Variants in TAFA4 observed in about 807,000 individuals in gnomAD.
TAFA4 encodes the protein TAFA chemokine like family member 4.
A neutral mutation model predicts 21.1 loss-of-function variants in TAFA4; 20 were observed. That is an observed-to-expected ratio of 0.95 (90% confidence interval 0.67 to 1.38). The LOEUF (loss-of-function observed/expected upper bound fraction) is 1.38. Ranked by LOEUF, TAFA4 falls within the 40% of genes most tolerant of loss-of-function variation. TAFA4 has a pLI of 0.00. For synonymous variants in TAFA4, 71 were observed against 67.4 expected, an observed-to-expected ratio of 1.05 and a Z score of -0.26; for missense variants, 211 against 180.9, an observed-to-expected ratio of 1.17 and a Z score of -0.95.
intron 1 of TAFA4, among the ~76,000 whole-genome samples, chr3:68,891,371 T>C (rs1261959878): frequency 1.3e-5 from 2 of 152,200 alleles, no homozygotes; most frequent in Non-Finnish European, 2.9e-5. Context: ...CTTTCCCGCC[T>C]GCCCACTCAC....
intron 3 of TAFA4, among the ~76,000 whole-genome samples, chr3:68,816,660 CTT>C (rs1390019191): frequency 6.6e-6 from 1 of 152,242 alleles, no homozygotes; most frequent in African/African-American, 2.4e-5. Flanking sequence ...GACCATTTAA[CTT>C]CTTCCTTTCT....
At chr3:68,770,600 CACAG>C (rs1483495413) in intron 3 of TAFA4, among the ~76,000 whole-genome samples, 3 of 150,402 alleles carry the variant, frequency 2.0e-5, no homozygotes, top group African/African-American at 7.4e-5. Flanking sequence ...GGGATAGATC[CACAG>C]ACAGTTTTTA....
At chr3:68,890,760 A>C (rs2089722012) in intron 1 of TAFA4, among the ~76,000 whole-genome samples, 1 of 152,202 alleles carries the variant, frequency 6.6e-6, no homozygotes, top group Admixed American at 6.5e-5. Context: ...TTCATGCTTT[A>C]GTAAACAGGA....
intron 3 of TAFA4, among the ~76,000 whole-genome samples, chr3:68,817,391 CAT>C (rs1248540576): frequency 1.3e-5 from 2 of 152,280 alleles, no homozygotes; most frequent in East Asian, 3.9e-4. Flanking sequence ...TCAAATTCCT[CAT>C]AGTCATCCAT....
intron 3 of TAFA4, among the ~76,000 whole-genome samples, chr3:68,853,155 A>C (rs1024710666): frequency 1.3e-5 from 2 of 152,184 alleles, no homozygotes; most frequent in Admixed American, 6.5e-5. Context: ...TGTCAGATAG[A>C]TATAAACTTA....
intron 3 of TAFA4, among the ~76,000 whole-genome samples, chr3:68,779,567 G>T (rs1400040855): frequency 3.9e-5 from 6 of 152,142 alleles, no homozygotes; most frequent in African/African-American, 1.4e-4. Flanking sequence ...GACTCAAGGG[G>T]CCAAAGTACA....
intron 1 of TAFA4, among the ~76,000 whole-genome samples, chr3:68,914,972 G>T (rs1191411122): frequency 3.3e-5 from 5 of 152,088 alleles, no homozygotes; most frequent in Non-Finnish European, 5.9e-5. Flanking sequence ...ACATACCATC[G>T]CAGGCTTTTT....
chr3:68,894,398 G>C (rs565555226), intron 1 of TAFA4, among the ~76,000 whole-genome samples: 1 of 152,114 alleles, frequency 6.6e-6, no homozygotes, highest in African/African-American at 2.4e-5. Flanking sequence ...GGGCTCAAGC[G>C]ATCCTCCTGC....
chr3:68,738,593 C>G (rs989169265), intron 5 of TAFA4, among the ~76,000 whole-genome samples: 1 of 152,174 alleles, frequency 6.6e-6, no homozygotes, highest in South Asian at 2.1e-4. Context: ...GGCTGGAGGA[C>G]TGGGTAGACA....
intron 1 of TAFA4, among the ~76,000 whole-genome samples, chr3:68,888,623 A>T (rs2089697895): frequency 6.6e-6 from 1 of 152,206 alleles, no homozygotes; most frequent in Non-Finnish European, 1.5e-5. Context: ...CTTTAAAAAA[A>T]TCTATTTCTC....
At chr3:68,811,462 T>C (rs1703836141) in intron 3 of TAFA4, among the ~76,000 whole-genome samples, 2 of 152,070 alleles carry the variant, frequency 1.3e-5, no homozygotes, top group Non-Finnish European at 2.9e-5. Flanking sequence ...GAATAACCAA[T>C]GCAGAGAAGT....
In TAFA4 at chr3:68,874,416, C is replaced by T. The variant is rs190469528; in HGVS notation, c.130+6314G>A. Among the ~76,000 whole-genome samples the T allele has an allele frequency of 2.6e-5, 4 of 152,174 alleles. No individual in the cohort carries two copies. The South Asian group carries it at 6.2e-4, about 24-fold the overall frequency. On this transcript the variant is annotated intron_variant, in intron 3 of 5. Coordinates refer to ENST00000295569, the MANE Select transcript of TAFA4 (RefSeq NM_182522.5). The stretch of plus-strand genomic sequence containing the variant: ...CATTTTTCTTCCTGCCCCGTCTCTA[C>T]CCCTGCTGTTTCTTTTTACCAATGA...
At chr3:68,751,291 G>A (rs1055931053) in intron 4 of TAFA4, among the ~76,000 whole-genome samples, 1 of 152,104 alleles carries the variant, frequency 6.6e-6, no homozygotes, top group Non-Finnish European at 1.5e-5. Flanking sequence ...TTTTCAGTAT[G>A]GGAGTGACAT....
chr3:68,885,144 C>G, intron 2 of TAFA4, 31 bp downstream of exon 2: 1 of 1,608,866 alleles, frequency 6.2e-7, no homozygotes, highest in Non-Finnish European at 8.5e-7. Flanking sequence ...GTAAAGATAT[C>G]ATGTCCAGGT....
At chr3:68,790,787 T>G (rs1231111150) in intron 3 of TAFA4, among the ~76,000 whole-genome samples, 1 of 152,140 alleles carries the variant, frequency 6.6e-6, no homozygotes, top group Admixed American at 6.5e-5. Flanking sequence ...TCTCCTACCT[T>G]TTGTACCACC....
chr3:68,762,206 A>T (rs977357712), intron 3 of TAFA4, among the ~76,000 whole-genome samples: 30 of 77,032 alleles, frequency 3.9e-4, no homozygotes, highest in Non-Finnish European at 7.4e-4. Context: ...CCTTAATTTA[A>T]AAAAAAAAAA....
At chr3:68,733,550 T>A (rs1702189615) in intron 5 of TAFA4, among the ~76,000 whole-genome samples, 1 of 152,160 alleles carries the variant, frequency 6.6e-6, no homozygotes, top group Non-Finnish European at 1.5e-5. Flanking sequence ...TTTTATGTTA[T>A]TTTTTATGCA....
intron 3 of TAFA4, among the ~76,000 whole-genome samples, chr3:68,860,807 C>T (rs1334096988): frequency 2.0e-5 from 3 of 152,052 alleles, no homozygotes; most frequent in Non-Finnish European, 4.4e-5. Flanking sequence ...TTCAAGTCCA[C>T]GTTACTTCTT....
chr3:68,793,444 G>T (rs975752284), intron 3 of TAFA4, among the ~76,000 whole-genome samples: 1 of 152,146 alleles, frequency 6.6e-6, no homozygotes. Context: ...AATCCTATTT[G>T]GTGGTTCATA....
Sources: allele counts gnomAD v4.1 joint callset (sites outside exome capture counted in the v4.1 genomes callset), GRCh38; gene constraint gnomAD v4.1.1; transcripts MANE v1.5; gene names NCBI Gene and HGNC (gene_info 2026-07-23, HGNC 2026-07-21).